The following CKMT2 variants were observed in gnomAD, a reference collection of about 807,000 sequenced individuals.
CKMT2 encodes creatine kinase, mitochondrial 2.
CKMT2 carries 43 observed loss-of-function variants against 48.9 expected under a neutral mutation model. That is an observed-to-expected ratio of 0.88 (90% CI 0.69 to 1.13). The LOEUF is 1.13. CKMT2 is among the 50% of genes most tolerant of loss of function. CKMT2 has a pLI of 0.00. For synonymous variants in CKMT2, 206 were observed against 213.0 expected (o/e 0.97, Z 0.29); for missense variants, 472 against 555.4 (o/e 0.85, Z 1.51).
intron 8 of CKMT2, among the ~76,000 whole-genome samples, chr5:81,260,282 C>T (rs369234173): frequency 9.4e-4 from 143 of 152,180 alleles, no homozygotes; most frequent in African/African-American, 2.9e-3. Context: ...GATCTAAAAT[C>T]GACACCCTAA....
intron 8 of CKMT2, 27 bp downstream of exon 8, chr5:81,259,281 A>C (rs1554046724): frequency 1.2e-5 from 20 of 1,604,644 alleles, no homozygotes; most frequent in Non-Finnish European, 1.7e-5. Context: ...AGTGGCCCTG[A>C]TGGGCCAGGA....
chr5:81,263,187 T>C (rs1371111303), intron 8 of CKMT2, among the ~76,000 whole-genome samples: 1 of 150,810 alleles, frequency 6.6e-6, no homozygotes, highest in Non-Finnish European at 1.5e-5. Flanking sequence ...GGGTGGGGGT[T>C]TGGGGAGGGA....
rs964103522 is a variant in CKMT2, at chr5:81,259,159, T to C, written c.919T>C (p.Trp307Arg). The change falls in exon 8 of 10, where the codon TGG becomes CGG. Residue 307 changes from tryptophan (W) to arginine (R), a missense_variant. By Grantham distance (101) the Trp-to-Arg change is moderately radical. Transcript: ENST00000254035. Reference sequence around the variant, plus strand: ...CCAAGAACGAGGCTGGGAGTTCATGTGGAATGAGCGCCTAGGATACATTTT... The same window carrying C: ...CCAAGAACGAGGCTGGGAGTTCATGCGGAATGAGCGCCTAGGATACATTTT... ...LIQERGWEFMWNERLGYILTC... is the reference protein window; with the variant it reads ...LIQERGWEFMRNERLGYILTC... The C allele has an allele frequency of 3.1e-6, 5 of 1,614,050 alleles. No individual in the cohort carries two copies. The highest frequency in any genetic ancestry group is 1.7e-5 in the Admixed American group (1 of 60,010).
intron 1 of CKMT2, 118 bp downstream of exon 1, chr5:81,233,495 C>T (rs868705127): frequency 2.7e-6 from 2 of 733,446 alleles, no homozygotes; most frequent in African/African-American, 1.9e-5. Flanking sequence ...CGTTAGGACG[C>T]TGACTGCGAG....
intron 2 of CKMT2, among the ~76,000 whole-genome samples, chr5:81,251,646 T>C (rs1288067801): frequency 6.6e-6 from 1 of 152,122 alleles, no homozygotes; most frequent in African/African-American, 2.4e-5. Context: ...GCAAGAAATA[T>C]GCTTTCCCCT....
intron 9 of CKMT2, among the ~76,000 whole-genome samples, chr5:81,264,835 C>T (rs572307141): frequency 4.5e-4 from 68 of 152,060 alleles, no homozygotes; most frequent in Non-Finnish European, 8.5e-4. Flanking sequence ...TTCTAAATGG[C>T]CCTTCATTCT....
chr5:81,253,182 T>C (rs1010792134), intron 3 of CKMT2, among the ~76,000 whole-genome samples: 1 of 152,162 alleles, frequency 6.6e-6, no homozygotes, highest in African/African-American at 2.4e-5. Flanking sequence ...GATGAGTTGG[T>C]ACAGAAACAA....
chr5:81,257,748 G>C lies in CKMT2; in HGVS notation c.771G>C (p.Lys257Asn). The C allele has an allele frequency of 2.5e-6, 4 of 1,611,972 alleles. No homozygotes were observed. The highest frequency in any genetic ancestry group is 3.4e-6 in the Non-Finnish European group (4 of 1,178,428). ...TCTTCATTAGGCATAATTATGATAA[G>C]ACATTTCTCATCTGGATAAATGAGG... is the stretch of plus-strand genomic sequence containing the variant. ...DARGIWHNYDKTFLIWINEED... is the reference protein window; with the variant it reads ...DARGIWHNYDNTFLIWINEED... Residue 257 changes from lysine to asparagine, a missense_variant, in exon 7 of 10, where the codon AAG (lysine) becomes AAC (asparagine). Coordinates refer to ENST00000254035, the MANE Select transcript of CKMT2 (RefSeq NM_001099735.2).
chr5:81,257,052 G>A (rs2270823), intron 6 of CKMT2, 52 bp downstream of exon 6: 280,551 of 1,462,416 alleles, frequency 0.19, 28,957 homozygotes, highest in Admixed American at 0.32. Context: ...ATGTTTTTGA[G>A]ATCACCTGCT....
intron 1 of CKMT2, chr5:81,238,064 G>A (rs1239142376): frequency 6.6e-6 from 1 of 152,216 alleles, no homozygotes; most frequent in Non-Finnish European, 1.5e-5. Context: ...GCTGGGCGTG[G>A]TGGCTCACAC....
chr5:81,258,892 C>CA (rs1390116002), intron 7 of CKMT2, among the ~76,000 whole-genome samples: 1 of 152,106 alleles, frequency 6.6e-6, no homozygotes, highest in African/African-American at 2.4e-5. Flanking sequence ...GTCCCTGATG[C>CA]AAAAATGGTT....
At chr5:81,243,409 A>AAGAAAC (rs2112788635) in intron 1 of CKMT2, among the ~76,000 whole-genome samples, 1 of 152,352 alleles carries the variant, frequency 6.6e-6, no homozygotes, top group Non-Finnish European at 1.5e-5. Flanking sequence ...GATAAGAAGC[A>AAGAAAC]AGAAACAGTA....
chr5:81,260,829 A>C (rs1416214755), intron 8 of CKMT2, among the ~76,000 whole-genome samples: 2 of 152,220 alleles, frequency 1.3e-5, no homozygotes, highest in African/African-American at 2.4e-5. Context: ...TATTCCAAAC[A>C]ATAGAAAAAG....
At chr5:81,240,757 A>G (rs60434474) in intron 1 of CKMT2, among the ~76,000 whole-genome samples, 55,659 of 151,996 alleles carry the variant, frequency 0.37, 10,631 homozygotes, top group Admixed American at 0.49. Flanking sequence ...TGGGATACCT[A>G]CTTCTTGGGA....
rs1757124580 is a variant in CKMT2, at chr5:81,259,266, T to G, written c.1014+12T>G. 6 of 1,610,024 alleles carry G rather than the reference T, an allele frequency of 3.7e-6. No homozygotes were observed. The highest frequency in any genetic ancestry group is 5.1e-6 in the Non-Finnish European group (6 of 1,178,008). ...CAAAGCTCAGCAAGGTACTGTTATG[T>G]GCCCAGTGGCCCTGATGGGCCAGGA... On this transcript the variant is annotated intron_variant, in intron 8 of 9. Coordinates refer to ENST00000254035, the MANE Select transcript of CKMT2 (RefSeq NM_001099735.2).
chr5:81,251,178 C>A lies in CKMT2; in HGVS notation c.46C>A (p.Leu16Met). The A allele has an allele frequency of 6.2e-7, 1 of 1,614,160 alleles. No homozygotes were observed. The highest frequency in any genetic ancestry group is 8.5e-7 in the Non-Finnish European group (1 of 1,179,996). ...SKLLTGRNAS[L>M]LFATMGTSVL... is the part of the protein sequence containing the mutation. ...GTTGCTAACTGGCCGCAATGCTTCT[C>A]TGCTGTTTGCTACCATGGGCACCAG... is the stretch of plus-strand genomic sequence containing the variant. The change falls in exon 2 of 10, where the codon CTG (leucine) becomes ATG (methionine). Residue 16 changes from leucine (L) to methionine (M), a missense_variant. Transcript: ENST00000254035.
In CKMT2 at chr5:81,266,354, A is replaced by G; in HGVS notation, c.*96A>G. 2 of 1,189,426 alleles carry G rather than the reference A, an allele frequency of 1.7e-6. No homozygotes were observed. Among genetic ancestry groups the G allele is most frequent in the Non-Finnish European group, 2.4e-6 (2 of 835,876 alleles). The allele number at this position is 1,189,426 out of a possible 1,614,324, so 73.7% of individuals were successfully genotyped here. ...TTTTATACACTTGGAAAAATATAAA[A>G]TTGTAGATCCTGCCTATCTTTACAA... On this transcript the variant is annotated 3_prime_UTR_variant, in exon 10 of 10. Transcript: ENST00000254035.
Position 81,263,482 on chromosome 5 carries a change from T to C in CKMT2, c.1015-9T>C. The C allele has an allele frequency of 6.3e-7, 1 of 1,593,122 alleles. No individual in the cohort carries two copies. The highest frequency in any genetic ancestry group is 8.6e-7 in the Non-Finnish European group (1 of 1,167,826). On this transcript the variant is annotated splice_polypyrimidine_tract_variant and intron_variant, in intron 8 of 9. Transcript: ENST00000254035. Reference sequence around the variant, plus strand: ...CTTAGCACATTTAAGTATTATCCCTTTGTCCTAGGACCCACGCTTTTCTAA... The same window carrying C: ...CTTAGCACATTTAAGTATTATCCCTCTGTCCTAGGACCCACGCTTTTCTAA...
At chr5:81,253,607 T>C (rs369740597) in intron 3 of CKMT2, among the ~76,000 whole-genome samples, 1 of 152,174 alleles carries the variant, frequency 6.6e-6, no homozygotes, top group African/African-American at 2.4e-5. Flanking sequence ...AAGGCAGCCA[T>C]AGAGAAGAGA....
Sources: gnomAD v4.1 joint callset for allele counts (sites outside exome capture counted in the v4.1 genomes callset) on GRCh38, gnomAD v4.1.1 for gene constraint, MANE v1.5 for transcripts, NCBI Gene and HGNC (gene_info 2026-07-23, HGNC 2026-07-21) for gene names.